FBXL20: variants seen among roughly 807,000 people sequenced by gnomAD.
FBXL20 encodes F-box and leucine rich repeat protein 20, also known as F-box/LRR-repeat protein 20.
Under a neutral mutation model 64.0 loss-of-function variants are expected in FBXL20, and 11 were observed. That is an observed-to-expected ratio of 0.17 (90% CI 0.11 to 0.28). The LOEUF (loss-of-function observed/expected upper bound fraction) is 0.28. Ranked by LOEUF, FBXL20 falls within the 10% of genes least tolerant of loss-of-function variation. The pLI is 1.00. For synonymous variants in FBXL20, 184 were observed against 189.0 expected (o/e 0.97, Z 0.22); for missense variants, 303 against 526.2 (o/e 0.58, Z 4.15).
chr17:39,275,961 A>AT (rs1364907170), intron 9 of FBXL20, among the ~76,000 whole-genome samples: 1 of 152,034 alleles, frequency 6.6e-6, no homozygotes, highest in Non-Finnish European at 1.5e-5. Context: ...TTTACAAGTT[A>AT]TTAGACTGGG....
At chr17:39,362,803 G>T (rs1006605299) in intron 1 of FBXL20, among the ~76,000 whole-genome samples, 1 of 149,774 alleles carries the variant, frequency 6.7e-6, no homozygotes, top group African/African-American at 2.5e-5. Context: ...ATTTTTAGTA[G>T]AAATGGAGTT....
At chr17:39,314,251 G>A (rs181287674) in intron 2 of FBXL20, among the ~76,000 whole-genome samples, 71 of 152,244 alleles carry the variant, frequency 4.7e-4, no homozygotes, top group African/African-American at 1.5e-3. Flanking sequence ...GTTGTTGCAC[G>A]TATTCATACT....
chr17:39,274,333 G>T (rs1262056963), intron 10 of FBXL20, among the ~76,000 whole-genome samples: 1 of 152,192 alleles, frequency 6.6e-6, no homozygotes, highest in Non-Finnish European at 1.5e-5. Flanking sequence ...GAGCCCAGGA[G>T]ATTGAGGCAG....
At chr17:39,397,943 C>T (rs779716200) in intron 1 of FBXL20, among the ~76,000 whole-genome samples, 1 of 150,526 alleles carries the variant, frequency 6.6e-6, no homozygotes, top group Non-Finnish European at 1.5e-5. Context: ...CAGGCCTTCA[C>T]TTTCCTCAAG....
At chr17:39,315,453 C>T (rs1455271329) in intron 2 of FBXL20, among the ~76,000 whole-genome samples, 1 of 144,374 alleles carries the variant, frequency 6.9e-6, no homozygotes, top group Admixed American at 7.0e-5. Flanking sequence ...ACGTTTTCTT[C>T]CTCTTCCTTT....
At chr17:39,375,013 T>C (rs1211100559) in intron 1 of FBXL20, among the ~76,000 whole-genome samples, 1 of 152,068 alleles carries the variant, frequency 6.6e-6, no homozygotes, top group Non-Finnish European at 1.5e-5. Flanking sequence ...TCTCAATCTC[T>C]TGACCTCGTG....
intron 2 of FBXL20, among the ~76,000 whole-genome samples, chr17:39,335,865 G>A (rs2144552441): frequency 6.6e-6 from 1 of 152,302 alleles, no homozygotes; most frequent in East Asian, 1.9e-4. Context: ...AACAGGCTGG[G>A]TGCAGTGGCT....
intron 2 of FBXL20, among the ~76,000 whole-genome samples, chr17:39,320,537 A>G (rs2047345225): frequency 6.6e-6 from 1 of 152,084 alleles, no homozygotes; most frequent in African/African-American, 2.4e-5. Flanking sequence ...ACAGATGGAA[A>G]TATTAAAGCT....
intron 6 of FBXL20, among the ~76,000 whole-genome samples, chr17:39,292,954 G>A (rs558515570): frequency 6.6e-5 from 10 of 151,932 alleles, no homozygotes; most frequent in South Asian, 6.2e-4. Flanking sequence ...CATCATGCCC[G>A]GCTAATTTTT....
intron 2 of FBXL20, among the ~76,000 whole-genome samples, chr17:39,317,556 T>C (rs1423037290): frequency 6.6e-6 from 1 of 151,102 alleles, no homozygotes; most frequent in East Asian, 2.0e-4. Context: ...TGTACAAAAA[T>C]TACTGAATTC....
upstream of FBXL20, chr17:39,401,724 G>A (rs1041289863): frequency 8.9e-6 from 10 of 1,117,906 alleles, no homozygotes; most frequent in Non-Finnish European, 1.1e-5. Context: ...GCGCCCGGGA[G>A]GGGGAGGGGC....
intron 2 of FBXL20, among the ~76,000 whole-genome samples, chr17:39,316,826 G>C (rs2047297161): frequency 6.6e-6 from 1 of 152,180 alleles, no homozygotes; most frequent in Non-Finnish European, 1.5e-5. Context: ...CGTCTCTACT[G>C]AAAATACTAA....
At chr17:39,382,938 C>T (rs2048039979) in intron 1 of FBXL20, among the ~76,000 whole-genome samples, 1 of 151,372 alleles carries the variant, frequency 6.6e-6, no homozygotes, top group African/African-American at 2.4e-5. Flanking sequence ...GGGCAGATCA[C>T]AAGGTCAAGA....
intron 1 of FBXL20, among the ~76,000 whole-genome samples, chr17:39,362,910 G>A (rs1055985310): frequency 6.6e-6 from 1 of 151,844 alleles, no homozygotes; most frequent in African/African-American, 2.4e-5. Context: ...GAGCCACTGC[G>A]CCTGGCCTAG....
intron 1 of FBXL20, among the ~76,000 whole-genome samples, chr17:39,381,182 T>C (rs2144654742): frequency 6.7e-6 from 1 of 149,086 alleles, no homozygotes; most frequent in South Asian, 2.1e-4. Flanking sequence ...AAGTTGTTAA[T>C]AAAAGCTAAA....
At chr17:39,316,805 T>A (rs566783354) in intron 2 of FBXL20, among the ~76,000 whole-genome samples, 8 of 152,294 alleles carry the variant, frequency 5.3e-5, no homozygotes, top group Admixed American at 2.0e-4. Flanking sequence ...CTGGCCAACA[T>A]GGCGAAAGCC....
At chr17:39,353,947 G>A (rs776337744) in intron 1 of FBXL20, among the ~76,000 whole-genome samples, 1 of 151,944 alleles carries the variant, frequency 6.6e-6, no homozygotes, top group African/African-American at 2.4e-5. Context: ...AAAATGTTTC[G>A]TTTTTCAAGA....
At chr17:39,281,246 A>T (rs554927831) in intron 9 of FBXL20, 143 bp downstream of exon 9, 1 of 698,890 alleles carries the variant, frequency 1.4e-6, no homozygotes, top group East Asian at 2.7e-5. Context: ...GCACGTCAAA[A>T]GTCATCTGTG....
At chr17:39,364,340 C>T (rs945612835) in intron 1 of FBXL20, among the ~76,000 whole-genome samples, 1 of 152,128 alleles carries the variant, frequency 6.6e-6, no homozygotes, top group African/African-American at 2.4e-5. Context: ...GGGCTGGGTG[C>T]AGTGGCTCAC....
Sources: gnomAD v4.1 joint callset for allele counts (sites outside exome capture counted in the v4.1 genomes callset) on GRCh38, gnomAD v4.1.1 for gene constraint, MANE v1.5 for transcripts, NCBI Gene and HGNC (gene_info 2026-07-23, HGNC 2026-07-21) for gene names.